CA12: variants seen among roughly 807,000 people sequenced by gnomAD.
CA12 encodes carbonic anhydrase 12.
CA12 carries 36 observed loss-of-function variants against 46.8 expected under a neutral mutation model. The observed-to-expected ratio is 0.77, with a 90% CI of 0.59 to 1.02. CA12 has a LOEUF of 1.02. CA12 is among the 50% of genes least tolerant of loss of function. CA12 has a pLI of 0.00. For missense variants in CA12, 436 were observed against 451.4 expected, an observed-to-expected ratio of 0.97 and a Z score of 0.31; for synonymous variants, 202 against 187.0, an observed-to-expected ratio of 1.08 and a Z score of -0.65.
At chr15:63,335,235 T>A (rs896936676) in intron 8 of CA12, among the ~76,000 whole-genome samples, 3 of 152,124 alleles carry the variant, frequency 2.0e-5, no homozygotes, top group African/African-American at 7.2e-5. Flanking sequence ...CTGCCTAAGT[T>A]GTCAGTAGTG....
At chr15:63,343,300 T>TTA (rs55698877) in intron 4 of CA12, among the ~76,000 whole-genome samples, 1 of 137,484 alleles carries the variant, frequency 7.3e-6, no homozygotes, top group Non-Finnish European at 1.7e-5. Context: ...TTTTTTTTTT[T>TTA]AATGGAGTTT....
chr15:63,354,444 G>A (rs1221411574), intron 2 of CA12, among the ~76,000 whole-genome samples: 1 of 136,192 alleles, frequency 7.3e-6, no homozygotes, highest in Non-Finnish European at 1.5e-5. Flanking sequence ...TGGAGACGGA[G>A]GGTTGAGACT....
At chr15:63,362,517 A>G (rs2039376564) in intron 2 of CA12, among the ~76,000 whole-genome samples, 1 of 152,196 alleles carries the variant, frequency 6.6e-6, no homozygotes, top group African/African-American at 2.4e-5. Flanking sequence ...AATGGTCCAG[A>G]GCTGGAGGGA....
rs2039078938 is a variant in CA12, at chr15:63,341,437, G to A, written c.525+565C>T. 6.6e-6 allele frequency among the ~76,000 whole-genome samples: 1 copy of A among 152,222 alleles called. No individual in the cohort carries two copies. Among genetic ancestry groups the A allele is most frequent in the South Asian group, 2.1e-4 (1 of 4,830 alleles). On this transcript the variant is annotated intron_variant, in intron 5 of 10. Transcript: ENST00000178638. The surrounding 1 kb of genome is among the most constrained non-coding windows in gnomAD (Gnocchi z 5.2). ...GAGCACAAGCCCTATTGTGAACTGC[G>A]CATGCAAGGGATCTAGGCTGTGTAT...
chr15:63,344,968 C>T (rs546751750), intron 4 of CA12, among the ~76,000 whole-genome samples: 11 of 152,276 alleles, frequency 7.2e-5, no homozygotes, highest in Admixed American at 2.0e-4. Flanking sequence ...CTGCCAGGTA[C>T]CCCTAGACTT....
At chr15:63,359,036 T>C (rs914918131) in intron 2 of CA12, among the ~76,000 whole-genome samples, 3 of 152,076 alleles carry the variant, frequency 2.0e-5, no homozygotes, top group African/African-American at 7.2e-5. Context: ...TGCCCCTCAA[T>C]GTCAGCTGTC....
intron 10 of CA12, among the ~76,000 whole-genome samples, 164 bp from the exon 11 acceptor site, chr15:63,326,521 G>A (rs2038869398): frequency 1.3e-5 from 2 of 152,080 alleles, no homozygotes; most frequent in South Asian, 4.1e-4. Context: ...ACCAAATAAA[G>A]CTTTAACAAA....
At position 63,381,827 on chromosome 15, in the gene CA12, G is replaced by A. The variant is rs1567059025; in HGVS notation, c.-107C>T. ...CGCGTGCGCGCAGCCTGGGTGCCGT[G>A]GCGAGTACGTCCGCCCTTCGCTCTC... is the stretch of plus-strand genomic sequence containing the variant. On this transcript the variant is annotated 5_prime_UTR_variant, in exon 1 of 11. Transcript: ENST00000178638. 8 of 669,452 alleles carry A rather than the reference G, an allele frequency of 1.2e-5. No homozygotes were observed. Among genetic ancestry groups the A allele is most frequent in the East Asian group, 3.4e-5 (1 of 29,538 alleles). 41.5% of individuals were successfully genotyped at this position (669,452 alleles called of 1,614,324 possible).
chr15:63,363,802 T>G (rs1355229744), intron 2 of CA12, among the ~76,000 whole-genome samples: 1 of 152,254 alleles, frequency 6.6e-6, no homozygotes, highest in Non-Finnish European at 1.5e-5. Flanking sequence ...ACAGGGCATC[T>G]GTGCAGATGC....
chr15:63,352,373 A>C (rs377311818), intron 2 of CA12, among the ~76,000 whole-genome samples: 10 of 152,244 alleles, frequency 6.6e-5, no homozygotes, highest in African/African-American at 2.4e-4. Context: ...TTTGTTTTTT[A>C]TGAAGAGGCT....
rs1402821305 is a variant in CA12 at position 63,330,815 on chromosome 15, G to A, written c.875-2685C>T. Among the ~76,000 whole-genome samples, 1 of 152,220 alleles carries A rather than the reference G, an allele frequency of 6.6e-6. No homozygotes were observed. The highest frequency in any genetic ancestry group is 1.5e-5 in the Non-Finnish European group (1 of 68,036). On this transcript the variant is annotated intron_variant, in intron 8 of 10. Transcript: ENST00000178638. This position sits in a 1 kb window ranked among gnomAD's most constrained non-coding sequence, Gnocchi z 4.0. ...CAACAGCATAGTTGAACCCAGTGCT[G>A]TGACCTGGGATCTTTGCTCCTTGAG... is the stretch of plus-strand genomic sequence containing the variant.
intron 2 of CA12, among the ~76,000 whole-genome samples, chr15:63,351,004 T>G (rs1225949355): frequency 6.6e-6 from 1 of 152,208 alleles, no homozygotes; most frequent in East Asian, 1.9e-4. Flanking sequence ...AATTAATACC[T>G]TAAGATTACC....
At chr15:63,346,823 G>A (rs984919397) in intron 2 of CA12, 114 bp from the exon 3 acceptor site, 13 of 1,198,170 alleles carry the variant, frequency 1.1e-5, no homozygotes, top group South Asian at 2.6e-5. Context: ...CTGAATCCCC[G>A]GAGGTAAATC....
At chr15:63,364,062 C>G (rs2039401936) in intron 2 of CA12, among the ~76,000 whole-genome samples, 1 of 151,974 alleles carries the variant, frequency 6.6e-6, no homozygotes, top group African/African-American at 2.4e-5. Flanking sequence ...TGGCGCATGC[C>G]TGTAATCCCA....
chr15:63,349,331 T>C (rs943723591), intron 2 of CA12, among the ~76,000 whole-genome samples: 1 of 152,184 alleles, frequency 6.6e-6, no homozygotes, highest in Non-Finnish European at 1.5e-5. Context: ...ACTGGGCATG[T>C]GACAAGGTGC....
chr15:63,357,033 T>C (rs1320335909), intron 2 of CA12, among the ~76,000 whole-genome samples: 2 of 152,244 alleles, frequency 1.3e-5, no homozygotes, highest in Non-Finnish European at 2.9e-5. Flanking sequence ...TAATGTACCA[T>C]TTCTTTTCCA....
chr15:63,354,706 G>T (rs1023190920), intron 2 of CA12, among the ~76,000 whole-genome samples: 4 of 152,178 alleles, frequency 2.6e-5, no homozygotes, highest in Non-Finnish European at 5.9e-5. Context: ...ACAGGGGCAG[G>T]ACTGATGGAT....
chr15:63,361,614 T>C (rs2039364527), intron 2 of CA12, among the ~76,000 whole-genome samples: 1 of 152,166 alleles, frequency 6.6e-6, no homozygotes, highest in Non-Finnish European at 1.5e-5. Flanking sequence ...ACTATTGTAA[T>C]TGTCCCCTCA....
Position 63,324,069 on chromosome 15 carries a change from G to C in CA12, c.*2216C>G, listed in dbSNP as rs1391720253. On this transcript the variant is annotated 3_prime_UTR_variant, in exon 11 of 11. Transcript: ENST00000178638. ...TCAGTGGAATGAGTGCGGATCCGAAGAAAGGTTTCCCAGTTCCAAAGCTGG... is the reference window on the plus strand; with the variant it reads ...TCAGTGGAATGAGTGCGGATCCGAACAAAGGTTTCCCAGTTCCAAAGCTGG... The C allele has an allele frequency of 1.3e-5, 2 of 152,284 alleles. No individual in the cohort carries two copies. The highest frequency in any genetic ancestry group is 4.8e-5 in the African/African-American group (2 of 41,470). The allele number at this position is 152,284 out of a possible 1,614,324, so 9.4% of individuals were successfully genotyped here.
Sources: allele counts gnomAD v4.1 joint callset (sites outside exome capture counted in the v4.1 genomes callset), GRCh38; gene constraint gnomAD v4.1.1; non-coding constraint Gnocchi (gnomAD v3.1); transcripts MANE v1.5; gene names NCBI Gene and HGNC (gene_info 2026-07-23, HGNC 2026-07-21).